PDE11A: variants seen among roughly 807,000 people sequenced by gnomAD.
PDE11A encodes the protein phosphodiesterase 11A, also known as dual 3',5'-cyclic-AMP and -GMP phosphodiesterase 11A.
A neutral mutation model predicts 100.5 loss-of-function variants in PDE11A; 100 were observed. That is an observed-to-expected ratio of 1.00 (90% confidence interval 0.85 to 1.18). The LOEUF (loss-of-function observed/expected upper bound fraction) is 1.18, where lower values mean the gene tolerates loss of function less well. Ranked by LOEUF, PDE11A falls within the 50% of genes most tolerant of loss-of-function variation. The probability of loss-of-function intolerance (pLI) is 0.00; values close to 1 mark genes in which losing one functional copy is unlikely to be tolerated. For synonymous variants in PDE11A, 381 were observed against 420.8 expected, an observed-to-expected ratio of 0.91 and a Z score of 1.16; for missense variants, 1,141 against 1,152.6, an observed-to-expected ratio of 0.99 and a Z score of 0.15.
intron 4 of PDE11A, among the ~76,000 whole-genome samples, chr2:177,889,739 C>A (rs769986446): frequency 1.9e-4 from 29 of 151,384 alleles, no homozygotes; most frequent in Non-Finnish European, 4.0e-4. Flanking sequence ...TTCTACCAAC[C>A]CAGTTTCTTA....
At chr2:177,825,296 G>T (rs549194888) in intron 6 of PDE11A, among the ~76,000 whole-genome samples, 4 of 152,186 alleles carry the variant, frequency 2.6e-5, no homozygotes, top group Non-Finnish European at 5.9e-5. Context: ...ATCAGAGAAT[G>T]CAGAGGGTGT....
At chr2:178,008,981 G>A (rs1388336929) in intron 2 of PDE11A, among the ~76,000 whole-genome samples, 19 of 152,204 alleles carry the variant, frequency 1.2e-4, no homozygotes, top group African/African-American at 4.6e-4. Context: ...TACATTGGCT[G>A]TTGGAAAGTA....
At chr2:177,795,344 AG>A (rs2105543512) in intron 9 of PDE11A, among the ~76,000 whole-genome samples, 1 of 152,324 alleles carries the variant, frequency 6.6e-6, no homozygotes, top group African/African-American at 2.4e-5. Flanking sequence ...TACAACAGGT[AG>A]GTTTCTCCAG....
At chr2:177,847,292 C>T (rs918251168) in intron 5 of PDE11A, among the ~76,000 whole-genome samples, 6 of 152,126 alleles carry the variant, frequency 3.9e-5, no homozygotes, top group African/African-American at 1.4e-4. Context: ...CCCAATAGGT[C>T]TTATTTTTGA....
At position 177,626,296 on chromosome 2, in the gene PDE11A, A is replaced by T. The variant is rs1275511745; in HGVS notation, c.*3111T>A. 6.6e-6 allele frequency: 1 copy of T among 152,592 alleles called. No homozygotes were observed. The highest frequency in any genetic ancestry group is 1.5e-5 in the Non-Finnish European group (1 of 68,052). The allele number at this position is 152,592 out of a possible 1,614,324, so 9.5% of individuals were successfully genotyped here. ...TGGGTCCAGTTTTGTCATAAAGCAC[A>T]TGCTTTAAAATGTTGCTGTAGATGG... On this transcript the variant is annotated 3_prime_UTR_variant, in exon 20 of 20. Transcript: ENST00000286063.
At chr2:177,821,086 G>A (rs1490826722) in intron 6 of PDE11A, among the ~76,000 whole-genome samples, 1 of 151,822 alleles carries the variant, frequency 6.6e-6, no homozygotes, top group Non-Finnish European at 1.5e-5. Context: ...TTTGGATCAT[G>A]GATATGGAGA....
chr2:177,899,577 T>A, intron 3 of PDE11A: 1 of 327,498 alleles, frequency 3.1e-6, no homozygotes, highest in Non-Finnish European at 6.4e-6. Context: ...CTAATACACA[T>A]CCCTTACATA....
At chr2:177,898,337 T>C in intron 3 of PDE11A, 139 bp from the exon 4 acceptor site, 1 of 649,920 alleles carries the variant, frequency 1.5e-6, no homozygotes, top group Admixed American at 2.8e-5. Context: ...TTTATGATTG[T>C]TTTGACATAT....
chr2:177,862,328 G>A (rs1465860871), intron 5 of PDE11A, among the ~76,000 whole-genome samples: 1 of 151,714 alleles, frequency 6.6e-6, no homozygotes, highest in African/African-American at 2.4e-5. Flanking sequence ...TAGCCATTAG[G>A]AAAATGCAAA....
At chr2:177,750,901 C>G (rs2082016274) in intron 10 of PDE11A, among the ~76,000 whole-genome samples, 1 of 152,156 alleles carries the variant, frequency 6.6e-6, no homozygotes, top group Non-Finnish European at 1.5e-5. Context: ...TCATTCCTAG[C>G]TCTATTACAG....
At chr2:177,799,539 GA>G (rs1235039024) in intron 9 of PDE11A, among the ~76,000 whole-genome samples, 1 of 152,110 alleles carries the variant, frequency 6.6e-6, no homozygotes, top group Non-Finnish European at 1.5e-5. Flanking sequence ...ATACCTAAAT[GA>G]AAACCTAGAA....
intron 8 of PDE11A, among the ~76,000 whole-genome samples, chr2:177,817,527 C>T (rs7557136): frequency 0.41 from 61,631 of 151,874 alleles, 14,325 homozygotes; most frequent in African/African-American, 0.64. Context: ...GTGAGGGCAG[C>T]ACGCCTGGCA....
intron 15 of PDE11A, among the ~76,000 whole-genome samples, chr2:177,694,540 T>C (rs1261938471): frequency 6.6e-6 from 1 of 152,142 alleles, no homozygotes; most frequent in Non-Finnish European, 1.5e-5. Flanking sequence ...TTCTAAGACA[T>C]GACATAGGTA....
chr2:177,700,108 G>C (rs1029831141), intron 14 of PDE11A, among the ~76,000 whole-genome samples: 18 of 152,128 alleles, frequency 1.2e-4, no homozygotes, highest in Middle Eastern at 3.2e-3. Flanking sequence ...CAGTTACTGA[G>C]AGCCTAACTC....
At chr2:177,929,961 C>T (rs1040179467) in intron 2 of PDE11A, among the ~76,000 whole-genome samples, 1 of 152,312 alleles carries the variant, frequency 6.6e-6, no homozygotes, top group East Asian at 1.9e-4. Flanking sequence ...AAAATACACT[C>T]CCTGCCAAGT....
In PDE11A at chr2:177,852,553, T is replaced by C. The variant is rs1273559629; in HGVS notation, c.1368-12170A>G. Among the ~76,000 whole-genome samples, 3 of 152,238 alleles carry C rather than the reference T, an allele frequency of 2.0e-5. No individual in the cohort carries two copies. The East Asian group carries it at 5.8e-4, about 29-fold the overall frequency. On this transcript the variant is annotated intron_variant, in intron 5 of 19. Transcript: ENST00000286063. ...CTGAAGCCTCCAGCTGTGCAATGCT[T>C]TTTGAAGTTGTCTTTTAATTAGGAG...
chr2:177,732,546 C>G (rs1228280840), intron 10 of PDE11A, among the ~76,000 whole-genome samples: 1 of 152,172 alleles, frequency 6.6e-6, no homozygotes, highest in Non-Finnish European at 1.5e-5. Flanking sequence ...CAGGTGGCCC[C>G]TGTCTTGTAG....
intron 2 of PDE11A, among the ~76,000 whole-genome samples, chr2:177,947,510 C>A (rs372629971): frequency 2.0e-5 from 3 of 152,240 alleles, no homozygotes; most frequent in South Asian, 2.1e-4. Flanking sequence ...GTCCACTCAG[C>A]GTTGAATGGA....
At chr2:177,987,194 A>G (rs889459053) in intron 2 of PDE11A, among the ~76,000 whole-genome samples, 2 of 152,012 alleles carry the variant, frequency 1.3e-5, no homozygotes, top group African/African-American at 4.8e-5. Flanking sequence ...AGCTTTTCTT[A>G]CTGTGAGAAT....
Sources: allele counts gnomAD v4.1 joint callset (sites outside exome capture counted in the v4.1 genomes callset), GRCh38; gene constraint gnomAD v4.1.1; transcripts MANE v1.5; gene names NCBI Gene and HGNC (gene_info 2026-07-23, HGNC 2026-07-21).